Variants in TRPS1 observed in about 807,000 individuals in gnomAD.
TRPS1 encodes zinc finger transcription factor Trps1.
A neutral mutation model predicts 101.2 loss-of-function variants in TRPS1; 6 were observed. The ratio of observed to expected loss-of-function variants is 0.06; its 90% CI spans 0.03 to 0.12. The LOEUF is 0.12. TRPS1 is among the 10% of genes least tolerant of loss of function. The probability of loss-of-function intolerance (pLI) is 1.00; values close to 1 mark genes in which losing one functional copy is unlikely to be tolerated. For missense variants in TRPS1, 1,363 were observed against 1,567.0 expected (o/e 0.87, Z 2.20); for synonymous variants, 578 against 589.8 (o/e 0.98, Z 0.29).
chr8:115,450,868 C>A (rs985194033), intron 5 of TRPS1, among the ~76,000 whole-genome samples: 10 of 152,226 alleles, frequency 6.6e-5, no homozygotes, highest in African/African-American at 2.4e-4. Context: ...CTTTTGGGAA[C>A]ATAACAAGTT....
chr8:115,580,796 T>C (rs1417350332), intron 5 of TRPS1, among the ~76,000 whole-genome samples: 2 of 151,874 alleles, frequency 1.3e-5, no homozygotes, highest in African/African-American at 4.8e-5. Context: ...TTAATGTGGG[T>C]GGGAGTGTAA....
intron 5 of TRPS1, among the ~76,000 whole-genome samples, chr8:115,469,484 C>T (rs1814410042): frequency 6.6e-6 from 1 of 151,996 alleles, no homozygotes; most frequent in African/African-American, 2.4e-5. Flanking sequence ...ATTCAATGGG[C>T]TACAGTCAGG....
At chr8:115,608,527 T>C (rs776725142) in intron 3 of TRPS1, among the ~76,000 whole-genome samples, 1 of 152,196 alleles carries the variant, frequency 6.6e-6, no homozygotes, top group Non-Finnish European at 1.5e-5. Context: ...CTAGAGGAAG[T>C]TCTCTAGCTC....
chr8:115,587,855 C>T (rs984378259), intron 4 of TRPS1, among the ~76,000 whole-genome samples: 16 of 151,910 alleles, frequency 1.1e-4, no homozygotes, highest in Non-Finnish European at 2.2e-4. Flanking sequence ...CACACACACA[C>T]GCATCGTGCA....
At chr8:115,598,781 A>G (rs919697919) in intron 4 of TRPS1, among the ~76,000 whole-genome samples, 9 of 152,216 alleles carry the variant, frequency 5.9e-5, no homozygotes, top group African/African-American at 1.9e-4. Flanking sequence ...CAAACTCTGA[A>G]TAATATTCCT....
chr8:115,417,052 A>G (rs530536184), intron 6 of TRPS1, among the ~76,000 whole-genome samples: 1 of 152,242 alleles, frequency 6.6e-6, no homozygotes, highest in Admixed American at 6.5e-5. Flanking sequence ...ACCTCTGGAG[A>G]GATGAATATT....
At chr8:115,452,427 A>G (rs1563741119) in intron 5 of TRPS1, among the ~76,000 whole-genome samples, 1 of 152,224 alleles carries the variant, frequency 6.6e-6, no homozygotes. Context: ...CCAAACAAAA[A>G]AAAATATATT....
At chr8:115,477,795 T>C (rs1814642438) in intron 5 of TRPS1, among the ~76,000 whole-genome samples, 1 of 150,302 alleles carries the variant, frequency 6.7e-6, no homozygotes, top group African/African-American at 2.4e-5. Flanking sequence ...GTTTCTTCAA[T>C]CTACATTCTT....
At chr8:115,644,395 G>C (rs1448867201) in intron 1 of TRPS1, among the ~76,000 whole-genome samples, 2 of 152,154 alleles carry the variant, frequency 1.3e-5, no homozygotes, top group Non-Finnish European at 1.5e-5. Flanking sequence ...TAAAACCCAT[G>C]AACCAACCTC....
intron 5 of TRPS1, among the ~76,000 whole-genome samples, chr8:115,577,330 A>T (rs892213988): frequency 1.4e-4 from 21 of 152,168 alleles, no homozygotes; most frequent in Non-Finnish European, 1.0e-4. Context: ...CATAAATAAC[A>T]TCATACATCT....
intron 6 of TRPS1, among the ~76,000 whole-genome samples, chr8:115,417,037 A>C (rs931501626): frequency 6.6e-6 from 1 of 152,190 alleles, no homozygotes; most frequent in African/African-American, 2.4e-5. Flanking sequence ...AACTGAAAAC[A>C]TCTTACCTCT....
At chr8:115,435,462 C>T (rs1415803361) in intron 5 of TRPS1, among the ~76,000 whole-genome samples, 1 of 152,138 alleles carries the variant, frequency 6.6e-6, no homozygotes, top group Non-Finnish European at 1.5e-5. Flanking sequence ...TATCCCTTTA[C>T]TGCTGGATGG....
chr8:115,512,378 C>G (rs1815607363), intron 5 of TRPS1, among the ~76,000 whole-genome samples: 1 of 151,588 alleles, frequency 6.6e-6, no homozygotes, highest in African/African-American at 2.4e-5. Context: ...CTTATTTCTT[C>G]AAGAATTGGA....
Position 115,408,522 on chromosome 8 carries a change from AT to A in TRPS1, c.*5500del, listed in dbSNP as rs1812709577. ...GTGTAACTGGTGGTAAAACTTTATT[AT>A]TCAAGTTTAGATGTAACAGACATCT... On this transcript the variant is annotated 3_prime_UTR_variant, in exon 7 of 7. Transcript: ENST00000395715. The A allele has an allele frequency of 6.7e-6, 1 of 149,276 alleles. No individual in the cohort carries two copies. Among genetic ancestry groups the A allele is most frequent in the Non-Finnish European group, 1.5e-5 (1 of 67,046 alleles). The allele number at this position is 149,276 out of a possible 1,614,324, so 9.2% of individuals were successfully genotyped here.
intron 5 of TRPS1, among the ~76,000 whole-genome samples, chr8:115,568,101 G>C (rs1299528100): frequency 1.3e-5 from 2 of 152,072 alleles, no homozygotes; most frequent in East Asian, 1.9e-4. Context: ...GACTGACAGT[G>C]ACTGTCCTAA....
At chr8:115,605,561 AT>A in intron 3 of TRPS1, among the ~76,000 whole-genome samples, 1 of 152,326 alleles carries the variant, frequency 6.6e-6, no homozygotes, top group African/African-American at 2.4e-5. Context: ...ATGGCTTATA[AT>A]TAAAGCACAG....
At chr8:115,523,075 C>T (rs1815904696) in intron 5 of TRPS1, among the ~76,000 whole-genome samples, 1 of 151,908 alleles carries the variant, frequency 6.6e-6, no homozygotes, top group Admixed American at 6.6e-5. Flanking sequence ...TTTGATTTTG[C>T]TTTTCCAAGA....
At chr8:115,540,236 T>C (rs1476317961) in intron 5 of TRPS1, among the ~76,000 whole-genome samples, 3 of 152,202 alleles carry the variant, frequency 2.0e-5, no homozygotes, top group Non-Finnish European at 1.5e-5. Context: ...ACAAATGTTA[T>C]AGTGAAATCA....
In TRPS1 at chr8:115,412,655, C is replaced by T. The variant is rs1193283111; in HGVS notation, c.*1368G>A. The T allele has an allele frequency of 6.6e-6, 1 of 152,406 alleles. No homozygotes were observed. Among genetic ancestry groups the T allele is most frequent in the East Asian group, 1.9e-4 (1 of 5,174 alleles). 9.4% of individuals were successfully genotyped at this position (152,406 alleles called of 1,614,324 possible). A position where few individuals can be genotyped will look rare whatever the true frequency, so the allele number is the denominator to read the frequency against. On this transcript the variant is annotated 3_prime_UTR_variant, in exon 7 of 7. Transcript: ENST00000395715. ...CATCTCCGTGGCAAAAAATAAACTA[C>T]TGGTTGGGACAATATAATGCAAATT...
Sources: allele counts gnomAD v4.1 joint callset (sites outside exome capture counted in the v4.1 genomes callset), GRCh38; gene constraint gnomAD v4.1.1; transcripts MANE v1.5; gene names NCBI Gene and HGNC (gene_info 2026-07-23, HGNC 2026-07-21).